LRMDA: variants seen among roughly 807,000 people sequenced by gnomAD.
LRMDA encodes leucine rich melanocyte differentiation associated.
In LRMDA, 18 loss-of-function variants were observed where a neutral mutation model predicts 29.8. The ratio of observed to expected loss-of-function variants is 0.60; its 90% CI spans 0.42 to 0.90. The LOEUF (loss-of-function observed/expected upper bound fraction) is 0.90, where lower values mean the gene tolerates loss of function less well. Ranked by LOEUF, LRMDA falls within the 40% of genes least tolerant of loss-of-function variation. LRMDA has a pLI of 0.00. For synonymous variants in LRMDA, 125 were observed against 109.4 expected (o/e 1.14, Z -0.89); for missense variants, 273 against 273.9 (o/e 1.00, Z 0.02).
chr10:76,279,702 T>C (rs1589408133), intron 5 of LRMDA, among the ~76,000 whole-genome samples: 1 of 152,050 alleles, frequency 6.6e-6, no homozygotes, highest in Non-Finnish European at 1.5e-5. Context: ...CCCACCACCA[T>C]ACCCAGCTAA....
chr10:75,918,584 C>A (rs1845973552), intron 2 of LRMDA, among the ~76,000 whole-genome samples: 1 of 152,164 alleles, frequency 6.6e-6, no homozygotes, highest in Non-Finnish European at 1.5e-5. Flanking sequence ...TCCCACCAGA[C>A]CCCACCTTTA....
At chr10:76,136,421 T>C (rs529313465) in intron 5 of LRMDA, among the ~76,000 whole-genome samples, 2 of 152,190 alleles carry the variant, frequency 1.3e-5, no homozygotes, top group Non-Finnish European at 2.9e-5. Context: ...GGAAACTTTA[T>C]ATTATAAGTT....
At chr10:75,640,726 T>C (rs1222415801) in intron 2 of LRMDA, among the ~76,000 whole-genome samples, 2 of 152,190 alleles carry the variant, frequency 1.3e-5, no homozygotes, top group Admixed American at 6.5e-5. Context: ...AGCAGAGCTA[T>C]AGGCTCTGTC....
At chr10:75,952,247 T>C (rs771885414) in intron 2 of LRMDA, among the ~76,000 whole-genome samples, 7 of 152,168 alleles carry the variant, frequency 4.6e-5, no homozygotes, top group Non-Finnish European at 8.8e-5. Context: ...TATGACCTCG[T>C]GTTGTATTTT....
At position 75,517,198 on chromosome 10, in the gene LRMDA, C is replaced by T. The variant is rs1189703198; in HGVS notation, c.131+78704C>T. ...GGCAATGCGGGCTCTTTTTTGGTTC[C>T]ATATGAACTTTAAAGTAGTTTTTTC... On this transcript the variant is annotated intron_variant, in intron 2 of 6. Coordinates refer to ENST00000611255, the MANE Select transcript of LRMDA (RefSeq NM_001305581.2). Among the ~76,000 whole-genome samples the T allele has an allele frequency of 2.0e-5, 3 of 152,004 alleles. No homozygotes were observed. In the East Asian group the frequency reaches 5.8e-4, roughly 29 times the overall value.
chr10:75,477,617 G>C (rs1189496682), intron 2 of LRMDA, among the ~76,000 whole-genome samples: 1 of 152,214 alleles, frequency 6.6e-6, no homozygotes, highest in Non-Finnish European at 1.5e-5. Context: ...CAAGTCCCCA[G>C]GCGCAACTGC....
In LRMDA at chr10:75,463,573, C is replaced by T. The variant is rs573484389; in HGVS notation, c.131+25079C>T. Among the ~76,000 whole-genome samples, 13 of 151,876 alleles carry T rather than the reference C, an allele frequency of 8.6e-5. 1 individual carries two copies. The South Asian group carries it at 1.7e-3, about 19-fold the overall frequency. Reference sequence around the variant, plus strand: ...TGGGATCTCAGCTTACTGCAACCTCCGCCTCCTGGGTTCAAGGGAGTCTCC... The same window carrying T: ...TGGGATCTCAGCTTACTGCAACCTCTGCCTCCTGGGTTCAAGGGAGTCTCC... On this transcript the variant is annotated intron_variant, in intron 2 of 6. Coordinates refer to ENST00000611255, the MANE Select transcript of LRMDA (RefSeq NM_001305581.2).
intron 6 of LRMDA, among the ~76,000 whole-genome samples, chr10:76,359,052 A>C (rs1841277575): frequency 6.6e-6 from 1 of 152,098 alleles, no homozygotes; most frequent in Non-Finnish European, 1.5e-5. Context: ...CTCCCAGCCC[A>C]TCCACTAGGG....
At chr10:75,862,258 C>T (rs971167576) in intron 2 of LRMDA, among the ~76,000 whole-genome samples, 2 of 151,664 alleles carry the variant, frequency 1.3e-5, no homozygotes, top group African/African-American at 4.8e-5. Flanking sequence ...TTTTTCATAT[C>T]TGAGAAGTTG....
chr10:75,441,821 A>G (rs1490902057), intron 2 of LRMDA, among the ~76,000 whole-genome samples: 1 of 151,830 alleles, frequency 6.6e-6, no homozygotes, highest in Non-Finnish European at 1.5e-5. Flanking sequence ...ACAGAGCAAT[A>G]CCTTGATAAA....
chr10:76,345,558 A>G (rs1281801578), intron 6 of LRMDA, among the ~76,000 whole-genome samples: 1 of 151,204 alleles, frequency 6.6e-6, no homozygotes, highest in Non-Finnish European at 1.5e-5. Flanking sequence ...CTACTTATGC[A>G]TAAAAGGTGG....
chr10:75,883,191 T>G (rs1478581429), intron 2 of LRMDA: 3 of 152,236 alleles, frequency 2.0e-5, no homozygotes, highest in African/African-American at 7.2e-5. Context: ...CGATTAGCAG[T>G]AAAACCATCG....
At chr10:76,237,269 C>T (rs1852169676) in intron 5 of LRMDA, among the ~76,000 whole-genome samples, 1 of 152,148 alleles carries the variant, frequency 6.6e-6, no homozygotes. Flanking sequence ...TTATATATGT[C>T]AGATATTATA....
At chr10:75,606,160 C>T (rs897780417) in intron 2 of LRMDA, among the ~76,000 whole-genome samples, 2 of 151,522 alleles carry the variant, frequency 1.3e-5, no homozygotes, top group African/African-American at 4.9e-5. Context: ...GCCTGGCCAA[C>T]CCTGTTTTCT....
At chr10:75,799,847 T>C (rs568991060) in intron 2 of LRMDA, among the ~76,000 whole-genome samples, 1 of 152,134 alleles carries the variant, frequency 6.6e-6, no homozygotes, top group Non-Finnish European at 1.5e-5. Context: ...TTTTCCCAAA[T>C]TGAAGGGAAT....
At chr10:76,124,947 G>C (rs1849854257) in intron 5 of LRMDA, among the ~76,000 whole-genome samples, 1 of 152,228 alleles carries the variant, frequency 6.6e-6, no homozygotes, top group Non-Finnish European at 1.5e-5. Flanking sequence ...GGGCCATACT[G>C]TCAGTAGAGA....
At chr10:75,619,787 C>G (rs528885036) in intron 2 of LRMDA, among the ~76,000 whole-genome samples, 1 of 152,274 alleles carries the variant, frequency 6.6e-6, no homozygotes, top group Admixed American at 6.5e-5. Context: ...CCTCTGCAAA[C>G]TGTACTCTGG....
chr10:76,476,852 C>T (rs1018700962), intron 6 of LRMDA, among the ~76,000 whole-genome samples: 1 of 152,028 alleles, frequency 6.6e-6, no homozygotes, highest in African/African-American at 2.4e-5. Context: ...ATTCAACAGC[C>T]CTTCATGCTA....
Position 76,395,903 on chromosome 10 carries a change from GAT to G in LRMDA, c.601+71420_601+71421del, listed in dbSNP as rs1428119971. ...GAATATAAACTGCATAACTGTAAGA[GAT>G]AGTACTATACAATAGTGCTGATGAC... On this transcript the variant is annotated intron_variant, in intron 6 of 6. Coordinates refer to ENST00000611255, the MANE Select transcript of LRMDA (RefSeq NM_001305581.2). 2.6e-5 allele frequency among the ~76,000 whole-genome samples: 4 copies of G among 152,240 alleles called. No homozygotes were observed. The South Asian group carries it at 8.3e-4, about 32-fold the overall frequency.
Sources: allele counts gnomAD v4.1 joint callset (sites outside exome capture counted in the v4.1 genomes callset), GRCh38; gene constraint gnomAD v4.1.1; transcripts MANE v1.5; gene names NCBI Gene and HGNC (gene_info 2026-07-23, HGNC 2026-07-21).